Variants in FBRSL1 observed in about 807,000 individuals in gnomAD.
FBRSL1 encodes fibrosin-1-like protein.
In FBRSL1, 51 loss-of-function variants were observed where a neutral mutation model predicts 89.6. The ratio of observed to expected loss-of-function variants is 0.57; its 90% CI spans 0.45 to 0.72. FBRSL1 has a LOEUF of 0.72. Ranked by LOEUF, FBRSL1 falls within the 30% of genes least tolerant of loss-of-function variation. The pLI is 0.00. For missense variants in FBRSL1, 1,618 were observed against 1,451.8 expected (o/e 1.11, Z -1.86); for synonymous variants, 779 against 681.1 (o/e 1.14, Z -2.24).
At chr12:132,550,578 G>A (rs552722425) in intron 5 of FBRSL1, among the ~76,000 whole-genome samples, 35 of 152,262 alleles carry the variant, frequency 2.3e-4, no homozygotes, top group Middle Eastern at 3.4e-3. Flanking sequence ...TGTGACCTTG[G>A]GGCATGCTCT....
chr12:132,557,724 C>T (rs547383688), intron 5 of FBRSL1, among the ~76,000 whole-genome samples: 1 of 152,336 alleles, frequency 6.6e-6, no homozygotes, highest in Admixed American at 6.5e-5. Flanking sequence ...CCAGTTGCTG[C>T]CCCTCAATTC....
At chr12:132,527,377 C>G (rs1051049263) in intron 3 of FBRSL1, among the ~76,000 whole-genome samples, 1 of 152,196 alleles carries the variant, frequency 6.6e-6, no homozygotes, top group Admixed American at 6.5e-5. Flanking sequence ...GGAGCCTCCT[C>G]GGGTTTGGAT....
chr12:132,579,784 TG>T (rs2040621075), intron 15 of FBRSL1, among the ~76,000 whole-genome samples: 1 of 152,228 alleles, frequency 6.6e-6, no homozygotes, highest in South Asian at 2.1e-4. Context: ...TTCTGCTCTC[TG>T]GAAGAGCTCT....
intron 1 of FBRSL1, among the ~76,000 whole-genome samples, chr12:132,496,414 G>A (rs569995577): frequency 1.3e-5 from 2 of 152,318 alleles, no homozygotes; most frequent in South Asian, 2.1e-4. Flanking sequence ...CGAGGGGCCC[G>A]TGTTGCGTAT....
chr12:132,578,965 C>T (rs2040564307), intron 15 of FBRSL1, among the ~76,000 whole-genome samples: 1 of 152,260 alleles, frequency 6.6e-6, no homozygotes, highest in African/African-American at 2.4e-5. Context: ...CGCATCCTGG[C>T]TCAAGCCCCC....
Position 132,547,738 on chromosome 12 carries a change from C to T in FBRSL1, c.616-265C>T, listed in dbSNP as rs540282708. 2.0e-5 allele frequency among the ~76,000 whole-genome samples: 3 copies of T among 152,318 alleles called. No individual in the cohort carries two copies. In the South Asian group the frequency reaches 6.2e-4, roughly 32 times the overall value. ...TCTCGGGCTGCAGGGCCAGTCTTGTCCCCATCGCTGGCTAGTCGGCCTGGC... is the reference window on the plus strand; with the variant it reads ...TCTCGGGCTGCAGGGCCAGTCTTGTTCCCATCGCTGGCTAGTCGGCCTGGC... On this transcript the variant is annotated intron_variant, in intron 4 of 18. Transcript: ENST00000680143.
intron 9 of FBRSL1, 47 bp downstream of exon 9, chr12:132,571,278 C>T: frequency 6.7e-7 from 1 of 1,502,434 alleles, no homozygotes; most frequent in Non-Finnish European, 9.0e-7. Flanking sequence ...CAACGTGCCT[C>T]TCTGTCTCTC....
intron 4 of FBRSL1, among the ~76,000 whole-genome samples, chr12:132,532,246 C>T (rs1307517148): frequency 2.0e-5 from 3 of 152,116 alleles, no homozygotes; most frequent in Admixed American, 6.5e-5. Context: ...ACCCTGCACA[C>T]GGCATTTAGT....
At chr12:132,543,665 C>T (rs934571346) in intron 4 of FBRSL1, among the ~76,000 whole-genome samples, 2 of 152,236 alleles carry the variant, frequency 1.3e-5, no homozygotes, top group Admixed American at 6.5e-5. Context: ...GTCTCAAGGC[C>T]GTTGTCCACC....
At chr12:132,567,125 G>C (rs944029991) in intron 5 of FBRSL1, among the ~76,000 whole-genome samples, 1 of 152,220 alleles carries the variant, frequency 6.6e-6, no homozygotes, top group African/African-American at 2.4e-5. Flanking sequence ...AGCTACTGGT[G>C]CTGGTTCTCC....
intron 1 of FBRSL1, among the ~76,000 whole-genome samples, chr12:132,504,416 C>T (rs1385739079): frequency 1.3e-5 from 2 of 152,212 alleles, no homozygotes; most frequent in South Asian, 2.1e-4. Context: ...TCACGGCAGC[C>T]TGCGCCCAGC....
intron 4 of FBRSL1, among the ~76,000 whole-genome samples, chr12:132,539,705 C>A (rs2037077234): frequency 8.5e-6 from 1 of 117,036 alleles, no homozygotes; most frequent in Non-Finnish European, 1.8e-5. Context: ...AGCCCCATGC[C>A]CACCCAGTCC....
At chr12:132,542,126 C>G (rs2037316185) in intron 4 of FBRSL1, among the ~76,000 whole-genome samples, 1 of 152,220 alleles carries the variant, frequency 6.6e-6, no homozygotes, top group Admixed American at 6.5e-5. Context: ...CAGAAGCCAC[C>G]AAGGGCAGGA....
At position 132,583,162 on chromosome 12, in the gene FBRSL1, C is replaced by T. The variant is rs1392052156; in HGVS notation, c.2393C>T (p.Ala798Val). The T allele has an allele frequency of 2.1e-6, 3 of 1,461,298 alleles. No individual in the cohort carries two copies. The highest frequency in any genetic ancestry group is 2.7e-6 in the Non-Finnish European group (3 of 1,110,702). 90.5% of individuals were successfully genotyped at this position (1,461,298 alleles called of 1,614,324 possible). ...PAKEEAAKMP[A>V]RASPPHSKAA... ...AAGGAGGAGGCCGCCAAGATGCCCG[C>T]GCGCGCATCCCCGCCCCACAGCAAG... The change falls in exon 19 of 19, where the codon GCG becomes GTG. Residue 798 changes from alanine (A) to valine (V), a missense_variant. Transcript: ENST00000680143.
At chr12:132,512,471 C>T (rs990565522) in intron 2 of FBRSL1, among the ~76,000 whole-genome samples, 2 of 152,186 alleles carry the variant, frequency 1.3e-5, no homozygotes, top group African/African-American at 4.8e-5. Flanking sequence ...ACTTGGGGTG[C>T]GGGCTTGGAG....
At chr12:132,492,094 T>C (rs1447285875) in intron 1 of FBRSL1, among the ~76,000 whole-genome samples, 1 of 152,208 alleles carries the variant, frequency 6.6e-6, no homozygotes, top group Non-Finnish European at 1.5e-5. Context: ...ACTGTACGTG[T>C]ACTGAGCAAT....
At chr12:132,507,201 G>C (rs563750912) in intron 1 of FBRSL1, 4 of 985,500 alleles carry the variant, frequency 4.1e-6, no homozygotes, top group Non-Finnish European at 3.6e-6. Context: ...CTTGGCAGCA[G>C]CTCTGACATG....
At chr12:132,573,219 G>A (rs2040161587) in intron 11 of FBRSL1, among the ~76,000 whole-genome samples, 1 of 152,298 alleles carries the variant, frequency 6.6e-6, no homozygotes, top group African/African-American at 2.4e-5. Context: ...TGGGCCTCAG[G>A]TTCTGAAGAC....
chr12:132,582,015 G>A, intron 17 of FBRSL1, 47 bp from the exon 18 acceptor site: 6 of 1,463,010 alleles, frequency 4.1e-6, no homozygotes, highest in Non-Finnish European at 5.6e-6. Flanking sequence ...GGGAGTGGCT[G>A]GGGAGCAGAC....
Sources: allele counts gnomAD v4.1 joint callset (sites outside exome capture counted in the v4.1 genomes callset), GRCh38; gene constraint gnomAD v4.1.1; transcripts MANE v1.5; gene names NCBI Gene and HGNC (gene_info 2026-07-23, HGNC 2026-07-21).